Variants in CDH13 observed in about 807,000 individuals in gnomAD.
The protein encoded by CDH13 is cadherin 13, also known as cadherin-13.
In CDH13, 24 loss-of-function variants were observed where a neutral mutation model predicts 63.8. That is an observed-to-expected ratio of 0.38 (90% CI 0.27 to 0.53). CDH13 has a LOEUF of 0.53. CDH13 is among the 20% of genes least tolerant of loss of function. The probability of loss-of-function intolerance (pLI) is 0.85; values close to 1 mark genes in which losing one functional copy is unlikely to be tolerated. For missense variants in CDH13, 1,049 were observed against 903.1 expected (o/e 1.16, Z -2.07); for synonymous variants, 503 against 355.3 (o/e 1.42, Z -4.67).
intron 6 of CDH13, among the ~76,000 whole-genome samples, chr16:83,379,938 T>TATATATAG: frequency 8.7e-4 from 107 of 123,454 alleles, no homozygotes; most frequent in African/African-American, 1.8e-3. Context: ...TATATATATA[T>TATATATAG]AGAGAGAGAG....
chr16:83,742,572 A>T (rs374370972), intron 10 of CDH13, among the ~76,000 whole-genome samples: 1 of 152,232 alleles, frequency 6.6e-6, no homozygotes, highest in African/African-American at 2.4e-5. Flanking sequence ...AAGGTTTATT[A>T]AAAAGACAGC....
At chr16:83,102,029 C>G (rs2151603191) in intron 3 of CDH13, among the ~76,000 whole-genome samples, 1 of 152,250 alleles carries the variant, frequency 6.6e-6, no homozygotes, top group East Asian at 1.9e-4. Context: ...AATGTTATCA[C>G]CAGGGTCCTT....
At chr16:82,972,587 A>G (rs1202131975) in intron 2 of CDH13, among the ~76,000 whole-genome samples, 1 of 152,242 alleles carries the variant, frequency 6.6e-6, no homozygotes, top group African/African-American at 2.4e-5. Flanking sequence ...CTTCCATCCT[A>G]TGGTAGCTGG....
intron 1 of CDH13, among the ~76,000 whole-genome samples, chr16:82,729,728 G>T (rs1258549860): frequency 6.6e-6 from 1 of 152,172 alleles, no homozygotes; most frequent in Non-Finnish European, 1.5e-5. Flanking sequence ...AAGCTTTGAA[G>T]CCAGGCAGTG....
At chr16:83,674,158 A>G (rs949236200) in intron 9 of CDH13, among the ~76,000 whole-genome samples, 3 of 152,238 alleles carry the variant, frequency 2.0e-5, no homozygotes, top group Non-Finnish European at 2.9e-5. Context: ...AAGTAACAGA[A>G]TGTTAGACTA....
At chr16:83,745,317 C>T (rs1180751824) in intron 10 of CDH13, among the ~76,000 whole-genome samples, 1 of 152,192 alleles carries the variant, frequency 6.6e-6, no homozygotes, top group Non-Finnish European at 1.5e-5. Context: ...AGGACAAAAA[C>T]TTGATTTGAT....
At chr16:82,750,178 C>T (rs1171695161) in intron 1 of CDH13, among the ~76,000 whole-genome samples, 3 of 152,066 alleles carry the variant, frequency 2.0e-5, no homozygotes, top group Admixed American at 1.3e-4. Flanking sequence ...CAGAGGGCAG[C>T]GGTTGTAAAC....
chr16:83,078,830 G>T (rs1250150852), intron 3 of CDH13, among the ~76,000 whole-genome samples: 2 of 152,088 alleles, frequency 1.3e-5, no homozygotes, highest in Non-Finnish European at 2.9e-5. Flanking sequence ...TCTTGCTGTT[G>T]TCAGCCCGGG....
At chr16:83,130,159 C>G (rs75847025) in intron 4 of CDH13, among the ~76,000 whole-genome samples, 1 of 152,206 alleles carries the variant, frequency 6.6e-6, no homozygotes, top group African/African-American at 2.4e-5. Flanking sequence ...ACAATATCAG[C>G]ACATAGTCAT....
At chr16:82,859,840 G>A (rs1019335137) in intron 2 of CDH13, 3 of 152,074 alleles carry the variant, frequency 2.0e-5, no homozygotes, top group Non-Finnish European at 4.4e-5. Context: ...GAGCATCAAG[G>A]GAGCTGTCCA....
intron 11 of CDH13, among the ~76,000 whole-genome samples, chr16:83,756,011 G>T (rs971764116): frequency 2.0e-5 from 3 of 152,172 alleles, no homozygotes; most frequent in Non-Finnish European, 2.9e-5. Context: ...AGTTAAAACA[G>T]TTTCTGCAGC....
chr16:83,204,038 G>C (rs1342839915), intron 4 of CDH13, among the ~76,000 whole-genome samples: 1 of 152,250 alleles, frequency 6.6e-6, no homozygotes, highest in African/African-American at 2.4e-5. Context: ...TCGAGACTTT[G>C]AAGTCCCTCG....
At chr16:82,654,210 G>A (rs2150912653) in intron 1 of CDH13, among the ~76,000 whole-genome samples, 1 of 152,322 alleles carries the variant, frequency 6.6e-6, no homozygotes, top group East Asian at 1.9e-4. Context: ...ATTCTGGGGA[G>A]ACAGCAGGTC....
intron 1 of CDH13, among the ~76,000 whole-genome samples, chr16:82,720,916 C>T (rs1196067260): frequency 6.6e-6 from 1 of 152,120 alleles, no homozygotes; most frequent in Admixed American, 6.5e-5. Context: ...TCAGTAAATA[C>T]TAACTGAATA....
chr16:83,552,953 C>A (rs917927982), intron 7 of CDH13, among the ~76,000 whole-genome samples: 1 of 152,088 alleles, frequency 6.6e-6, no homozygotes, highest in Non-Finnish European at 1.5e-5. Context: ...GTGGCACGCA[C>A]CTGTAATTCC....
chr16:83,442,091 C>G (rs565230311), intron 6 of CDH13, among the ~76,000 whole-genome samples: 14 of 152,264 alleles, frequency 9.2e-5, no homozygotes, highest in African/African-American at 3.4e-4. Flanking sequence ...ACCGGAGGAA[C>G]ACACAGGCCA....
chr16:82,751,660 A>G (rs1024266896), intron 1 of CDH13, among the ~76,000 whole-genome samples: 2 of 152,062 alleles, frequency 1.3e-5, no homozygotes, highest in Non-Finnish European at 2.9e-5. Context: ...ATAGCAAATA[A>G]AAAACACCAT....
chr16:83,591,381 A>G (rs1446412973), intron 7 of CDH13, among the ~76,000 whole-genome samples: 1 of 152,168 alleles, frequency 6.6e-6, no homozygotes, highest in Non-Finnish European at 1.5e-5. Context: ...TACAATCTGT[A>G]CTTCCTTGTC....
At chr16:82,730,381 G>C (rs2033336920) in intron 1 of CDH13, among the ~76,000 whole-genome samples, 1 of 152,136 alleles carries the variant, frequency 6.6e-6, no homozygotes, top group African/African-American at 2.4e-5. Flanking sequence ...ATTATTATGT[G>C]TCTCAGGTAA....
Sources: allele counts gnomAD v4.1 joint callset (sites outside exome capture counted in the v4.1 genomes callset), GRCh38; gene constraint gnomAD v4.1.1; transcripts MANE v1.5; gene names NCBI Gene and HGNC (gene_info 2026-07-23, HGNC 2026-07-21).